The following STK39 variants were observed in gnomAD, a reference collection of about 807,000 sequenced individuals.
The protein encoded by STK39 is STE20/SPS1-related proline-alanine-rich protein kinase.
In STK39, 20 loss-of-function variants were observed where a neutral mutation model predicts 77.8. That is an observed-to-expected ratio of 0.26 (90% CI 0.18 to 0.37). The LOEUF (loss-of-function observed/expected upper bound fraction) is 0.37. Among genes scored for constraint, STK39 ranks in the 10% least tolerant of loss-of-function variants. The probability of loss-of-function intolerance (pLI) is 1.00; values close to 1 mark genes in which losing one functional copy is unlikely to be tolerated. For synonymous variants in STK39, 246 were observed against 234.1 expected, an observed-to-expected ratio of 1.05 and a Z score of -0.47; for missense variants, 479 against 656.5, an observed-to-expected ratio of 0.73 and a Z score of 2.95.
intron 2 of STK39, among the ~76,000 whole-genome samples, chr2:168,179,661 G>A (rs545296736): frequency 7.6e-4 from 116 of 152,230 alleles, no homozygotes; most frequent in Non-Finnish European, 1.3e-3. Flanking sequence ...GACCTCAGAC[G>A]AATGGAGCAA....
In STK39 at chr2:168,242,560, AATATATATATATATATATATATATAT is replaced by A. The variant is rs59941306; in HGVS notation, c.208+4642_208+4667del. On this transcript the variant is annotated intron_variant, in intron 1 of 17. Transcript: ENST00000355999. The stretch of plus-strand genomic sequence containing the variant: ...CAAGACTCTTACAAAAAAAAAAAAA[AATATATATATATATATATATATATAT>A]ATATATATATAAAGAGGCCAGGCAC... Among the ~76,000 whole-genome samples the A allele has an allele frequency of 6.7e-5, 3 of 44,868 alleles. 1 individual carries two copies. The East Asian group carries it at 1.6e-3, about 23-fold the overall frequency. The allele number at this position is 44,868 out of a possible 152,430, so 29.4% of individuals were successfully genotyped here.
At chr2:168,025,128 T>C (rs937194209) in intron 14 of STK39, among the ~76,000 whole-genome samples, 2 of 152,192 alleles carry the variant, frequency 1.3e-5, no homozygotes, top group African/African-American at 4.8e-5. Flanking sequence ...TACCTCTGTA[T>C]GGCTGTCTCT....
chr2:167,985,810 A>T (rs1559044988), intron 16 of STK39, among the ~76,000 whole-genome samples: 1 of 152,212 alleles, frequency 6.6e-6, no homozygotes, highest in Non-Finnish European at 1.5e-5. Flanking sequence ...AGCCGTAAGA[A>T]GGCATTTTAA....
intron 1 of STK39, among the ~76,000 whole-genome samples, chr2:168,239,231 TATAA>T (rs889484187): frequency 2.6e-5 from 4 of 152,186 alleles, no homozygotes; most frequent in African/African-American, 9.7e-5. Flanking sequence ...GAGTGTTATA[TATAA>T]ATACATGAAC....
chr2:168,012,436 G>A (rs983586733), intron 16 of STK39, among the ~76,000 whole-genome samples, 198 bp downstream of exon 16: 4 of 152,144 alleles, frequency 2.6e-5, no homozygotes, highest in Non-Finnish European at 4.4e-5. Flanking sequence ...GCCTCCCAAA[G>A]TGCTGGGATT....
chr2:168,165,221 C>T (rs998475781), intron 3 of STK39, among the ~76,000 whole-genome samples: 9 of 152,148 alleles, frequency 5.9e-5, no homozygotes, highest in Admixed American at 2.6e-4. Context: ...CAAGAGTCCA[C>T]GTCTGCCCAC....
chr2:168,227,216 G>A (rs989834787), intron 1 of STK39, among the ~76,000 whole-genome samples: 4 of 152,156 alleles, frequency 2.6e-5, no homozygotes, highest in African/African-American at 9.7e-5. Context: ...AAAAACATCT[G>A]CAAGGATACA....
rs1262731336 is a variant in STK39 at position 168,122,607 on chromosome 2, A to AT, written c.1089+6933dup. Among the ~76,000 whole-genome samples, 484 of 149,572 alleles carry AT rather than the reference A, an allele frequency of 3.2e-3. 1 individual carries two copies. The highest frequency in any genetic ancestry group is 0.011 in the African/African-American group (434 of 40,774). On this transcript the variant is annotated intron_variant, in intron 10 of 17. Coordinates refer to ENST00000355999, the MANE Select transcript of STK39 (RefSeq NM_013233.3). ...GGCACACACCACCATGCCCAGCTAA[A>AT]TTTTTTTTTTGTAGAGACAGAATCT...
intron 1 of STK39, among the ~76,000 whole-genome samples, chr2:168,244,023 C>G (rs1459975429): frequency 2.0e-5 from 3 of 152,122 alleles, no homozygotes; most frequent in Non-Finnish European, 2.9e-5. Flanking sequence ...TCTACTAAGA[C>G]AAGGATATCA....
chr2:168,193,440 T>C (rs1160392619), intron 1 of STK39, among the ~76,000 whole-genome samples: 2 of 152,226 alleles, frequency 1.3e-5, no homozygotes, highest in East Asian at 3.8e-4. Context: ...AAGTAGTGTC[T>C]TGGCAACCCC....
At chr2:168,226,863 C>G (rs73974505) in intron 1 of STK39, among the ~76,000 whole-genome samples, 1 of 152,136 alleles carries the variant, frequency 6.6e-6, no homozygotes, top group East Asian at 1.9e-4. Context: ...ATCTATCCCA[C>G]AGAAATAATA....
chr2:168,046,792 G>A (rs1417813202), intron 14 of STK39, among the ~76,000 whole-genome samples: 3 of 152,324 alleles, frequency 2.0e-5, no homozygotes, highest in East Asian at 1.9e-4. Flanking sequence ...GGTGATGGGA[G>A]GGGATAAAGG....
chr2:168,217,361 C>A (rs759540718), intron 1 of STK39, among the ~76,000 whole-genome samples: 2 of 152,108 alleles, frequency 1.3e-5, no homozygotes, highest in African/African-American at 4.8e-5. Context: ...GGCCAGTATC[C>A]GGATGCAGGA....
intron 12 of STK39, among the ~76,000 whole-genome samples, chr2:168,072,370 AAATCATTATT>A (rs2105399784): frequency 6.6e-6 from 1 of 152,270 alleles, no homozygotes; most frequent in South Asian, 2.1e-4. Context: ...TATGTTTTTC[AAATCATTATT>A]CTATGTCTCT....
chr2:168,210,062 G>A (rs548671084), intron 1 of STK39, among the ~76,000 whole-genome samples: 5 of 148,510 alleles, frequency 3.4e-5, no homozygotes, highest in Admixed American at 6.7e-5. Flanking sequence ...AGGAAGGAAG[G>A]AAGGAAGGAA....
intron 1 of STK39, among the ~76,000 whole-genome samples, chr2:168,232,611 T>G (rs940881616): frequency 6.6e-6 from 1 of 152,128 alleles, no homozygotes; most frequent in Non-Finnish European, 1.5e-5. Context: ...TCCAATGGGC[T>G]TTAAGGAACA....
intron 14 of STK39, among the ~76,000 whole-genome samples, chr2:168,058,099 C>T (rs1339123755): frequency 6.6e-6 from 1 of 152,160 alleles, no homozygotes; most frequent in African/African-American, 2.4e-5. Context: ...GAATTTCTCA[C>T]AAGAGTTATC....
At chr2:168,215,805 A>T (rs1471741461) in intron 1 of STK39, among the ~76,000 whole-genome samples, 1 of 152,084 alleles carries the variant, frequency 6.6e-6, no homozygotes, top group Non-Finnish European at 1.5e-5. Context: ...ATTTTAGAAA[A>T]CCTAAAATAG....
chr2:168,125,434 A>C (rs1687516431), intron 10 of STK39, among the ~76,000 whole-genome samples: 1 of 152,188 alleles, frequency 6.6e-6, no homozygotes, highest in East Asian at 1.9e-4. Context: ...CTCATGCACA[A>C]AGATAGTGAA....
Sources: allele counts gnomAD v4.1 joint callset (sites outside exome capture counted in the v4.1 genomes callset), GRCh38; gene constraint gnomAD v4.1.1; transcripts MANE v1.5; gene names NCBI Gene and HGNC (gene_info 2026-07-23, HGNC 2026-07-21).